Variants in ATP8A2 observed in about 807,000 individuals in gnomAD.
The protein encoded by ATP8A2 is ATPase phospholipid transporting 8A2.
In ATP8A2, 100 loss-of-function variants were observed where a neutral mutation model predicts 165.6. The observed-to-expected ratio is 0.60, with a 90% CI of 0.51 to 0.71. The LOEUF (loss-of-function observed/expected upper bound fraction) is 0.71, where lower values mean the gene tolerates loss of function less well. Ranked by LOEUF, ATP8A2 falls within the 30% of genes least tolerant of loss-of-function variation. The pLI is 0.00. For missense variants in ATP8A2, 1,227 were observed against 1,479.5 expected, an observed-to-expected ratio of 0.83 and a Z score of 2.80; for synonymous variants, 543 against 548.8, an observed-to-expected ratio of 0.99 and a Z score of 0.15.
At chr13:25,399,397 CTT>C (rs71077467) in intron 1 of ATP8A2, among the ~76,000 whole-genome samples, 1 of 74,058 alleles carries the variant, frequency 1.4e-5, no homozygotes, top group African/African-American at 5.0e-5. Context: ...AGTGGTTCTT[CTT>C]TTTTTTTTTT....
intron 1 of ATP8A2, among the ~76,000 whole-genome samples, chr13:25,420,307 A>C (rs182664740): frequency 6.2e-4 from 94 of 152,382 alleles, no homozygotes; most frequent in African/African-American, 2.0e-3. Context: ...ACAGACAGGA[A>C]GGTGGCACAG....
chr13:25,968,753 C>G, intron 35 of ATP8A2, 74 bp downstream of exon 35: 1 of 1,248,962 alleles, frequency 8.0e-7, no homozygotes, highest in East Asian at 2.4e-5. Flanking sequence ...TCCTGTATTT[C>G]TTTTTCTCAT....
intron 35 of ATP8A2, among the ~76,000 whole-genome samples, chr13:25,991,797 A>G (rs965057808): frequency 3.3e-5 from 5 of 152,152 alleles, no homozygotes; most frequent in African/African-American, 1.2e-4. Context: ...AAACTCTTAC[A>G]AACATTTGTT....
At chr13:25,604,299 G>T (rs1284775058) in intron 24 of ATP8A2, among the ~76,000 whole-genome samples, 1 of 152,134 alleles carries the variant, frequency 6.6e-6, no homozygotes, top group African/African-American at 2.4e-5. Context: ...ATAATTATTG[G>T]ATTTAGCAGC....
chr13:26,003,507 T>C (rs1956677516), intron 35 of ATP8A2, among the ~76,000 whole-genome samples: 2 of 152,234 alleles, frequency 1.3e-5, no homozygotes. Flanking sequence ...TTTCCTTTGC[T>C]GTGCAGAAGC....
At chr13:25,513,717 G>A (rs1191275254) in intron 2 of ATP8A2, among the ~76,000 whole-genome samples, 1 of 152,184 alleles carries the variant, frequency 6.6e-6, no homozygotes, top group African/African-American at 2.4e-5. Context: ...CACCTCGGGA[G>A]GCCGAGGCTG....
At chr13:25,904,142 G>A (rs760113707) in intron 33 of ATP8A2, among the ~76,000 whole-genome samples, 39 of 152,156 alleles carry the variant, frequency 2.6e-4, no homozygotes, top group Non-Finnish European at 4.7e-4. Context: ...TCTAGCAAGC[G>A]TTTCCTCTGA....
chr13:25,863,209 T>C (rs1479193777), intron 33 of ATP8A2: 1 of 152,486 alleles, frequency 6.6e-6, no homozygotes, highest in Non-Finnish European at 1.5e-5. Context: ...TTTAAGGACC[T>C]CTGCTCTGGC....
chr13:25,480,128 C>A (rs1485741175), intron 2 of ATP8A2, among the ~76,000 whole-genome samples: 27 of 150,834 alleles, frequency 1.8e-4, no homozygotes, highest in African/African-American at 6.3e-4. Flanking sequence ...GGGCTGACCC[C>A]CCACCTCCCT....
chr13:25,787,182 C>T (rs1270672235), intron 27 of ATP8A2, among the ~76,000 whole-genome samples: 1 of 152,212 alleles, frequency 6.6e-6, no homozygotes, highest in African/African-American at 2.4e-5. Flanking sequence ...GACACTGGCT[C>T]CAAAAATTCC....
Position 25,697,557 on chromosome 13 carries a change from A to G in ATP8A2, c.2212-1616A>G, listed in dbSNP as rs1032016680. Among the ~76,000 whole-genome samples the G allele has an allele frequency of 8.5e-5, 13 of 152,236 alleles. 1 individual carries two copies. Among genetic ancestry groups the G allele is most frequent in the Middle Eastern group, 3.2e-3 (1 of 316 alleles). On this transcript the variant is annotated intron_variant, in intron 24 of 36. Transcript: ENST00000381655. The stretch of plus-strand genomic sequence containing the variant: ...CGGCCTCCCAGAGTGCTGGGATTAT[A>G]GGCGTGAGCCACTGCACCTGGCCCA...
intron 1 of ATP8A2, among the ~76,000 whole-genome samples, chr13:25,383,979 G>A (rs2032947798): frequency 6.6e-6 from 1 of 152,158 alleles, no homozygotes; most frequent in African/African-American, 2.4e-5. Context: ...CCCGTTGCTA[G>A]AGTAGATCCC....
intron 25 of ATP8A2, among the ~76,000 whole-genome samples, chr13:25,715,640 A>G (rs921915138): frequency 1.3e-5 from 2 of 152,222 alleles, no homozygotes; most frequent in African/African-American, 2.4e-5. Flanking sequence ...TAGCATTTCA[A>G]TTCTTTTTAT....
At chr13:26,010,366 C>G (rs576591938) in intron 35 of ATP8A2, among the ~76,000 whole-genome samples, 2 of 152,192 alleles carry the variant, frequency 1.3e-5, no homozygotes, top group African/African-American at 4.8e-5. Flanking sequence ...CCCTGTGGTC[C>G]AGGGGCATGG....
intron 24 of ATP8A2, among the ~76,000 whole-genome samples, chr13:25,594,984 G>GTATATATATATATATA (rs58403530): frequency 5.7e-4 from 81 of 142,814 alleles, no homozygotes; most frequent in African/African-American, 9.9e-4. Flanking sequence ...GTGTGTGTGT[G>GTATATATATATATATA]TATATATATA....
chr13:25,841,048 A>G (rs917985401), intron 30 of ATP8A2, among the ~76,000 whole-genome samples: 4 of 152,212 alleles, frequency 2.6e-5, no homozygotes, highest in Non-Finnish European at 5.9e-5. Context: ...CCTGCTTCAA[A>G]AGGAACTAGT....
chr13:25,927,100 CT>C (rs1404225409), intron 33 of ATP8A2: 1 of 455,934 alleles, frequency 2.2e-6, no homozygotes, highest in African/African-American at 2.0e-5. Context: ...ACCTTCTTCC[CT>C]TTCCTGTAGC....
chr13:25,681,430 C>G (rs962769817), intron 24 of ATP8A2, among the ~76,000 whole-genome samples: 7 of 152,182 alleles, frequency 4.6e-5, no homozygotes, highest in Admixed American at 2.6e-4. Context: ...CCACACTCTT[C>G]AGGAGTTGGC....
intron 19 of ATP8A2, among the ~76,000 whole-genome samples, chr13:25,576,846 T>A (rs892206103): frequency 2.0e-4 from 31 of 152,232 alleles, no homozygotes; most frequent in African/African-American, 7.5e-4. Context: ...GGTCCTAGTC[T>A]ATTTTCATGG....
Sources: allele counts gnomAD v4.1 joint callset (sites outside exome capture counted in the v4.1 genomes callset), GRCh38; gene constraint gnomAD v4.1.1; transcripts MANE v1.5; gene names NCBI Gene and HGNC (gene_info 2026-07-23, HGNC 2026-07-21).